NDC80: variants seen among roughly 807,000 people sequenced by gnomAD.
NDC80 encodes the protein NDC80 kinetochore complex component.
In NDC80, 69 loss-of-function variants were observed where a neutral mutation model predicts 89.3. The observed-to-expected ratio is 0.77, with a 90% CI of 0.64 to 0.94. NDC80 has a LOEUF of 0.94. Ranked by LOEUF, NDC80 falls within the 40% of genes least tolerant of loss-of-function variation. The pLI is 0.00. For missense variants in NDC80, 593 were observed against 739.6 expected, an observed-to-expected ratio of 0.80 and a Z score of 2.30; for synonymous variants, 243 against 255.6, an observed-to-expected ratio of 0.95 and a Z score of 0.47.
intron 3 of NDC80, among the ~76,000 whole-genome samples, chr18:2,576,807 G>C (rs746593087): frequency 6.6e-6 from 1 of 152,248 alleles, no homozygotes; most frequent in Non-Finnish European, 1.5e-5. Flanking sequence ...CAATAAAATA[G>C]ATACCTTTAA....
At chr18:2,615,438 T>G (rs1036068240) in intron 16 of NDC80, 1 of 152,388 alleles carries the variant, frequency 6.6e-6, no homozygotes, top group Admixed American at 6.5e-5. Flanking sequence ...CATGGCATCT[T>G]CTCTCCTCTC....
rs117038913 is a variant in NDC80 at position 2,606,534 on chromosome 18, G to A, written c.1557+27G>A. 6.1e-3 allele frequency: 9,047 copies of A among 1,488,762 alleles called. 52 individuals are homozygous for A. The highest frequency in any genetic ancestry group is 0.04 in the East Asian group (1,684 of 42,418). The allele number at this position is 1,488,762 out of a possible 1,614,324, so 92.2% of individuals were successfully genotyped here. A position where few individuals can be genotyped will look rare whatever the true frequency, so the allele number is the denominator to read the frequency against. The stretch of plus-strand genomic sequence containing the variant: ...TAAGAACTTTGCCACAGTTTGCGTA[G>A]GTTATCAAAAGCTATGTCATGATTG... On this transcript the variant is annotated intron_variant, in intron 14 of 16. Coordinates refer to ENST00000261597, the MANE Select transcript of NDC80 (RefSeq NM_006101.3).
chr18:2,613,965 T>C (rs796292163), intron 16 of NDC80, among the ~76,000 whole-genome samples: 54 of 152,308 alleles, frequency 3.5e-4, no homozygotes, highest in African/African-American at 1.3e-3. Flanking sequence ...TTTACTTGAA[T>C]GAGAATTTCA....
chr18:2,598,304 T>A (rs2072667817), intron 11 of NDC80, among the ~76,000 whole-genome samples: 2 of 152,220 alleles, frequency 1.3e-5, no homozygotes, highest in African/African-American at 4.8e-5. Flanking sequence ...TTATTCAATC[T>A]AATATTAAGT....
At chr18:2,571,942 A>T (rs2072516251) in intron 1 of NDC80, among the ~76,000 whole-genome samples, 1 of 152,076 alleles carries the variant, frequency 6.6e-6, no homozygotes, top group South Asian at 2.1e-4. Context: ...CGGGAGAGGA[A>T]ACGGGGAAGA....
rs375230890 is a variant in NDC80 at position 2,574,968 on chromosome 18, T to C, written c.102-21T>C. The C allele has an allele frequency of 2.6e-5, 38 of 1,488,020 alleles. No individual in the cohort carries two copies. In the African/African-American group the frequency reaches 4.8e-4, roughly 19 times the overall value. 92.2% of individuals were successfully genotyped at this position (1,488,020 alleles called of 1,614,324 possible). On this transcript the variant is annotated intron_variant, in intron 2 of 16. Coordinates refer to ENST00000261597, the MANE Select transcript of NDC80 (RefSeq NM_006101.3). ...AATTTTAATTTTTATTTTAAAGAGT[T>C]GTTTTCTATTTTTCTTAAAGCAAAG...
intron 15 of NDC80, among the ~76,000 whole-genome samples, chr18:2,610,544 C>T (rs1332569401): frequency 1.3e-5 from 2 of 152,138 alleles, no homozygotes; most frequent in Non-Finnish European, 2.9e-5. Flanking sequence ...ACATGGTGCT[C>T]TTTTGTTTTG....
intron 16 of NDC80, among the ~76,000 whole-genome samples, chr18:2,614,195 T>C (rs2072759361): frequency 1.3e-5 from 2 of 152,154 alleles, no homozygotes; most frequent in African/African-American, 2.4e-5. Context: ...TCCCAGCACT[T>C]TGGGAGGCCA....
In NDC80 at chr18:2,601,392, A is replaced by G; in HGVS notation, c.1375-4A>G. ...TGTCACCCACATTCCTATGTATTTT[A>G]TAGGTACCTCTTAAGGAACTCCTGA... On this transcript the variant is annotated splice_region_variant and splice_polypyrimidine_tract_variant and intron_variant, in intron 12 of 16. Coordinates refer to ENST00000261597, the MANE Select transcript of NDC80 (RefSeq NM_006101.3). 1 of 1,406,012 alleles carries G rather than the reference A, an allele frequency of 7.1e-7. No individual in the cohort carries two copies. The highest frequency in any genetic ancestry group is 9.7e-7 in the Non-Finnish European group (1 of 1,027,168). 87.1% of individuals were successfully genotyped at this position (1,406,012 alleles called of 1,614,324 possible).
At chr18:2,607,687 T>C (rs533658531) in intron 14 of NDC80, among the ~76,000 whole-genome samples, 1 of 151,916 alleles carries the variant, frequency 6.6e-6, no homozygotes, top group Non-Finnish European at 1.5e-5. Context: ...TTGTTCATAA[T>C]ATAAATACTC....
chr18:2,590,484 T>C (rs1181882263), intron 10 of NDC80, among the ~76,000 whole-genome samples: 1 of 152,200 alleles, frequency 6.6e-6, no homozygotes, highest in African/African-American at 2.4e-5. Flanking sequence ...TACTGGGCTA[T>C]GTTCACATCA....
intron 3 of NDC80, among the ~76,000 whole-genome samples, chr18:2,575,781 C>T (rs187499893): frequency 7.9e-5 from 12 of 152,152 alleles, no homozygotes; most frequent in African/African-American, 1.9e-4. Context: ...AATGATTAGC[C>T]GGGGGCAGTG....
At chr18:2,614,653 G>GAAAGAA (rs1159680828) in intron 16 of NDC80, among the ~76,000 whole-genome samples, 2 of 82,190 alleles carry the variant, frequency 2.4e-5, no homozygotes, top group Admixed American at 1.2e-4. Context: ...AAGAAAGAAA[G>GAAAGAA]AAATAAATTT....
Position 2,599,009 on chromosome 18 carries a change from G to C in NDC80, c.1222-10G>C, listed in dbSNP as rs759204858. The stretch of plus-strand genomic sequence containing the variant: ...TGCTTTAACATGTCTTATGTGTTCT[G>C]TTCTTACAGATTGAAACACAATTAG... On this transcript the variant is annotated splice_polypyrimidine_tract_variant and intron_variant, in intron 11 of 16. Transcript: ENST00000261597. The C allele has an allele frequency of 1.3e-6, 2 of 1,597,350 alleles. No individual in the cohort carries two copies. The highest frequency in any genetic ancestry group is 1.1e-5 in the South Asian group (1 of 87,532).
At chr18:2,610,278 C>T (rs553025281) in intron 15 of NDC80, among the ~76,000 whole-genome samples, 96 of 152,230 alleles carry the variant, frequency 6.3e-4, no homozygotes, top group African/African-American at 1.8e-3. Context: ...GAAAAATTTT[C>T]TATTTTGAGA....
chr18:2,612,156 A>G (rs1225006194), intron 16 of NDC80, among the ~76,000 whole-genome samples: 1 of 152,086 alleles, frequency 6.6e-6, no homozygotes, highest in Non-Finnish European at 1.5e-5. Context: ...TTAGGTTGAC[A>G]GAGCCTGTTT....
chr18:2,593,181 A>G (rs964413620), intron 10 of NDC80, among the ~76,000 whole-genome samples: 2 of 151,494 alleles, frequency 1.3e-5, no homozygotes, highest in African/African-American at 2.4e-5. Flanking sequence ...CAGCCTCCCA[A>G]GTAGCTGGGA....
chr18:2,584,185 G>A (rs2072592312), intron 6 of NDC80, among the ~76,000 whole-genome samples: 1 of 151,724 alleles, frequency 6.6e-6, no homozygotes, highest in Admixed American at 6.6e-5. Context: ...GTACTCCAGA[G>A]GGGGAGACAG....
chr18:2,576,021 C>T (rs371922777), intron 3 of NDC80, among the ~76,000 whole-genome samples: 10 of 151,594 alleles, frequency 6.6e-5, no homozygotes, highest in African/African-American at 2.4e-4. Context: ...TTTACTTGAG[C>T]CCAGAAGGTC....
Sources: gnomAD v4.1 joint callset for allele counts (sites outside exome capture counted in the v4.1 genomes callset) on GRCh38, gnomAD v4.1.1 for gene constraint, MANE v1.5 for transcripts, NCBI Gene and HGNC (gene_info 2026-07-23, HGNC 2026-07-21) for gene names.